SKA2: variants seen among roughly 807,000 people sequenced by gnomAD.
SKA2 encodes spindle and kinetochore associated complex subunit 2.
In SKA2, 13 loss-of-function variants were observed where a neutral mutation model predicts 16.9. The observed-to-expected ratio is 0.77, with a 90% CI of 0.50 to 1.22. The LOEUF (loss-of-function observed/expected upper bound fraction) is 1.22, where lower values mean the gene tolerates loss of function less well. Among genes scored for constraint, SKA2 ranks in the 50% most tolerant of loss-of-function variants. The pLI is 0.00. For missense variants in SKA2, 107 were observed against 139.7 expected (o/e 0.77, Z 1.18); for synonymous variants, 47 against 48.5 (o/e 0.97, Z 0.13).
At chr17:59,139,489 C>A (rs578227579) in intron 1 of SKA2, among the ~76,000 whole-genome samples, 28 of 149,236 alleles carry the variant, frequency 1.9e-4, no homozygotes, top group African/African-American at 6.6e-4. Flanking sequence ...TGGCTATAAT[C>A]AAAAAACCTA....
At chr17:59,143,181 G>C (rs1488669305) in intron 1 of SKA2, among the ~76,000 whole-genome samples, 1 of 151,718 alleles carries the variant, frequency 6.6e-6, no homozygotes, top group African/African-American at 2.4e-5. Flanking sequence ...AGGAGCTGTT[G>C]AATTTCCCTA....
chr17:59,129,061 T>C (rs2046390990), intron 2 of SKA2, among the ~76,000 whole-genome samples: 1 of 152,122 alleles, frequency 6.6e-6, no homozygotes, highest in South Asian at 2.1e-4. Flanking sequence ...TGAAAGATAC[T>C]GACTAGGTCA....
intron 1 of SKA2, among the ~76,000 whole-genome samples, chr17:59,153,811 C>G (rs1455955056): frequency 6.6e-6 from 1 of 150,976 alleles, no homozygotes; most frequent in Admixed American, 6.6e-5. Context: ...TTGTCTCTGT[C>G]GCAAGGCCGG....
chr17:59,137,702 C>A, intron 1 of SKA2: 6 of 490,912 alleles, frequency 1.2e-5, no homozygotes, highest in Non-Finnish European at 2.4e-5. Flanking sequence ...AAATCTAGTT[C>A]CTTGTTTTCT....
intron 1 of SKA2, among the ~76,000 whole-genome samples, chr17:59,148,212 G>A (rs895058857): frequency 2.0e-5 from 3 of 151,996 alleles, no homozygotes; most frequent in Non-Finnish European, 1.5e-5. Flanking sequence ...CAAAACTGTC[G>A]AGAGAAAATT....
chr17:59,139,551 T>A (rs747152004), intron 1 of SKA2, among the ~76,000 whole-genome samples: 2 of 152,130 alleles, frequency 1.3e-5, no homozygotes, highest in Non-Finnish European at 2.9e-5. Flanking sequence ...GTGCTCACTA[T>A]GTTGCCCAGG....
rs370667112 is a variant in SKA2 at position 59,128,226 on chromosome 17, A to AG, written c.120+3054_120+3055insC. On this transcript the variant is annotated intron_variant, in intron 2 of 3. Coordinates refer to ENST00000330137, the MANE Select transcript of SKA2 (RefSeq NM_182620.4). ...CAAGACTCCATCTCAGAAAAAAAAA[A>AG]AGAGAGAGAAAAGAAGATGGAGTAT... Among the ~76,000 whole-genome samples, 202 of 152,036 alleles carry AG rather than the reference A, an allele frequency of 1.3e-3. 2 individuals carry two copies. The Middle Eastern group carries it at 0.017, about 13-fold the overall frequency.
At position 59,125,713 on chromosome 17, in the gene SKA2, T is replaced by C. The variant is rs755379911; in HGVS notation, c.120+5568A>G. On this transcript the variant is annotated intron_variant, in intron 2 of 3. Coordinates refer to ENST00000330137, the MANE Select transcript of SKA2 (RefSeq NM_182620.4). ...AAAAAAAAAAAAATGATTACAAAAA[T>C]ACATAAAAATACTCTGCTAATGATA... Among the ~76,000 whole-genome samples, 237 of 141,840 alleles carry C rather than the reference T, an allele frequency of 1.7e-3. 1 individual carries two copies. The highest frequency in any genetic ancestry group is 4.6e-4 in the Non-Finnish European group (30 of 64,672). The allele number at this position is 141,840 out of a possible 152,430, so 93.1% of individuals were successfully genotyped here. A position where few individuals can be genotyped will look rare whatever the true frequency, so the allele number is the denominator to read the frequency against.
At chr17:59,147,004 T>C (rs1199281835) in intron 1 of SKA2, among the ~76,000 whole-genome samples, 1 of 151,736 alleles carries the variant, frequency 6.6e-6, no homozygotes, top group Non-Finnish European at 1.5e-5. Context: ...TTCTTTTTTT[T>C]TGGGGGGGAC....
intron 1 of SKA2, among the ~76,000 whole-genome samples, chr17:59,147,837 A>G (rs1377711449): frequency 1.3e-5 from 2 of 151,768 alleles, no homozygotes; most frequent in African/African-American, 2.4e-5. Context: ...AGCAAAAAAA[A>G]AAAAAAAAAT....
At chr17:59,142,049 C>T (rs2046494426) in intron 1 of SKA2, among the ~76,000 whole-genome samples, 1 of 152,132 alleles carries the variant, frequency 6.6e-6, no homozygotes, top group Non-Finnish European at 1.5e-5. Context: ...ACTGTCAATT[C>T]TACCCACATG....
chr17:59,155,071 C>A, intron 1 of SKA2, 60 bp downstream of exon 1: 1 of 1,614,036 alleles, frequency 6.2e-7, no homozygotes, highest in African/African-American at 1.3e-5. Flanking sequence ...TTGTGCCCCA[C>A]CTCCGAGGCC....
intron 3 of SKA2, among the ~76,000 whole-genome samples, chr17:59,118,910 T>C (rs955346069): frequency 6.6e-6 from 1 of 152,192 alleles, no homozygotes; most frequent in Non-Finnish European, 1.5e-5. Context: ...AAATATCACA[T>C]ATGCAGCCCT....
At chr17:59,123,036 A>AT (rs926851952) in intron 2 of SKA2, among the ~76,000 whole-genome samples, 10 of 147,332 alleles carry the variant, frequency 6.8e-5, no homozygotes, top group African/African-American at 2.6e-4. Flanking sequence ...AAAAAAAAAA[A>AT]AAAGAAAAGA....
At chr17:59,120,913 G>A (rs1024417272) in intron 2 of SKA2, among the ~76,000 whole-genome samples, 26 of 152,142 alleles carry the variant, frequency 1.7e-4, no homozygotes, top group Non-Finnish European at 3.4e-4. Flanking sequence ...AGCACTTTGG[G>A]AGGCCGAGGC....
intron 2 of SKA2, chr17:59,129,364 C>CACACACAA (rs1257532814): frequency 6.6e-6 from 1 of 151,108 alleles, no homozygotes; most frequent in Non-Finnish European, 1.5e-5. Context: ...CACATACACA[C>CACACACAA]ACACACACAC....
At chr17:59,133,253 T>C (rs1219928683) in intron 1 of SKA2, among the ~76,000 whole-genome samples, 1 of 152,256 alleles carries the variant, frequency 6.6e-6, no homozygotes, top group Non-Finnish European at 1.5e-5. Flanking sequence ...TGAGCCACCA[T>C]GTCCAGCCTA....
chr17:59,141,629 G>A (rs1158470281), intron 1 of SKA2, among the ~76,000 whole-genome samples: 1 of 151,534 alleles, frequency 6.6e-6, no homozygotes, highest in East Asian at 1.9e-4. Context: ...TACGCAGGAG[G>A]CTGAAATAGG....
intron 1 of SKA2, among the ~76,000 whole-genome samples, chr17:59,140,096 GA>G (rs1568309064): frequency 6.6e-6 from 1 of 152,188 alleles, no homozygotes; most frequent in Non-Finnish European, 1.5e-5. Context: ...ACAAATGCAT[GA>G]CTATGCTTGT....
Sources: gnomAD v4.1 joint callset for allele counts (sites outside exome capture counted in the v4.1 genomes callset) on GRCh38, gnomAD v4.1.1 for gene constraint, MANE v1.5 for transcripts, NCBI Gene and HGNC (gene_info 2026-07-23, HGNC 2026-07-21) for gene names.